The following IGSF10 variants were observed in gnomAD, a reference collection of about 807,000 sequenced individuals.
The protein encoded by IGSF10 is immunoglobulin superfamily member 10.
In IGSF10, 126 loss-of-function variants were observed where a neutral mutation model predicts 128.2. The ratio of observed to expected loss-of-function variants is 0.98; its 90% CI spans 0.85 to 1.14. The LOEUF is 1.14. Ranked by LOEUF, IGSF10 falls within the 50% of genes most tolerant of loss-of-function variation. IGSF10 has a pLI of 0.00. For synonymous variants in IGSF10, 1,185 were observed against 1,146.2 expected (o/e 1.03, Z -0.68); for missense variants, 3,295 against 3,149.8 (o/e 1.05, Z -1.10).
chr3:151,446,282 C>T lies in IGSF10; in HGVS notation c.3699G>A (p.Val1233=), dbSNP rs557184605. 14 of 1,613,946 alleles carry T rather than the reference C, an allele frequency of 8.7e-6. No individual in the cohort carries two copies. The highest frequency in any genetic ancestry group is 1.2e-5 in the Non-Finnish European group (14 of 1,179,908). The change falls in exon 6 of 8, where the codon GTG becomes GTA. Residue 1233 remains valine, a synonymous_variant. Transcript: ENST00000282466. ...AAGCAGGAGATGTTTTAGGAAGCAT[C>T]ACAGCTGTGCTTTTTTGTAAACTAA... is the stretch of plus-strand genomic sequence containing the variant. ...HKVSLQKSTA[V]MLPKTSPALP... is the part of the protein sequence containing the mutation.
chr3:151,582,296 G>GGT, the IGSF10 span, among the ~76,000 whole-genome samples: 114 of 112,502 alleles, frequency 1.0e-3, 9 homozygotes, highest in Non-Finnish European at 1.7e-3. Context: ...AATATCCGGG[G>GGT]GGGGGGGCGG....
chr3:151,613,989 C>G, the IGSF10 span, among the ~76,000 whole-genome samples: 2 of 151,886 alleles, frequency 1.3e-5, no homozygotes, highest in Non-Finnish European at 2.9e-5. Context: ...GAAAAAACAA[C>G]CCCATCAAAA....
intron 4 of IGSF10, among the ~76,000 whole-genome samples, chr3:151,455,748 G>A (rs1721763577): frequency 6.6e-6 from 1 of 151,986 alleles, no homozygotes; most frequent in African/African-American, 2.4e-5. Context: ...ATACTTTTTG[G>A]TTATGAGTAA....
chr3:151,511,519 T>C, the IGSF10 span, among the ~76,000 whole-genome samples: 1 of 152,076 alleles, frequency 6.6e-6, no homozygotes, highest in South Asian at 2.1e-4. Context: ...ACATGCCAAA[T>C]TGTAAAGACC....
At chr3:151,609,299 G>A in the IGSF10 span, among the ~76,000 whole-genome samples, 1 of 152,164 alleles carries the variant, frequency 6.6e-6, no homozygotes, top group African/African-American at 2.4e-5. Context: ...AAAGAGGCAG[G>A]CAGAAAGTAG....
In IGSF10 at chr3:151,442,524, C is replaced by T. The variant is rs1232675734; in HGVS notation, c.5963+460G>A. On this transcript the variant is annotated intron_variant, in intron 7 of 7. Coordinates refer to ENST00000282466, the MANE Select transcript of IGSF10 (RefSeq NM_178822.5). Reference sequence around the variant, plus strand: ...CCTCCCAAGCAGCTGGGATTACAGGCGCCCGGCCACCATGCCCGGCTAATT... The same window carrying T: ...CCTCCCAAGCAGCTGGGATTACAGGTGCCCGGCCACCATGCCCGGCTAATT... 2.0e-5 allele frequency among the ~76,000 whole-genome samples: 3 copies of T among 149,994 alleles called. No individual in the cohort carries two copies. The Admixed American group carries it at 2.0e-4, about 10-fold the overall frequency.
chr3:151,522,769 A>G, the IGSF10 span, among the ~76,000 whole-genome samples: 8 of 152,148 alleles, frequency 5.3e-5, no homozygotes, highest in Non-Finnish European at 1.0e-4. Context: ...CCCCTTGAAA[A>G]CTGGCACAAG....
chr3:151,470,272 C>T, the IGSF10 span, among the ~76,000 whole-genome samples: 2 of 152,152 alleles, frequency 1.3e-5, no homozygotes, highest in African/African-American at 4.8e-5. Flanking sequence ...CACAAGGCTT[C>T]AGTGGAAAAA....
At chr3:151,433,135 G>A (rs1435442105), downstream of IGSF10, 4 of 214,020 alleles carry the variant, frequency 1.9e-5, no homozygotes, top group Non-Finnish European at 3.7e-5. Flanking sequence ...GATTATGATG[G>A]ATCTAAGGTA....
At chr3:151,491,647 G>A in the IGSF10 span, among the ~76,000 whole-genome samples, 3 of 150,926 alleles carry the variant, frequency 2.0e-5, no homozygotes, top group Non-Finnish European at 4.4e-5. Context: ...GCAAGAGATT[G>A]AGTAAGTAAT....
the IGSF10 span, among the ~76,000 whole-genome samples, chr3:151,522,209 T>A: frequency 6.6e-6 from 1 of 151,982 alleles, no homozygotes; most frequent in Non-Finnish European, 1.5e-5. Flanking sequence ...ATAAATAGCT[T>A]GCCAACCAAA....
At chr3:151,501,675 T>G in the IGSF10 span, among the ~76,000 whole-genome samples, 581 of 152,208 alleles carry the variant, frequency 3.8e-3, 2 homozygotes, top group African/African-American at 0.013. Flanking sequence ...TTAGAGATTT[T>G]GCACAAACCA....
chr3:151,461,360 G>C (rs574331494), upstream of IGSF10: 4 of 985,364 alleles, frequency 4.1e-6, no homozygotes, highest in East Asian at 2.3e-4. Flanking sequence ...ATCGCCGCAG[G>C]CTGTCCTTGG....
the IGSF10 span, among the ~76,000 whole-genome samples, chr3:151,521,470 C>A: frequency 6.6e-6 from 1 of 151,934 alleles, no homozygotes; most frequent in South Asian, 2.1e-4. Context: ...ATAAAACAAT[C>A]CTCAGCAAAT....
chr3:151,504,780 T>C, the IGSF10 span, among the ~76,000 whole-genome samples: 1 of 152,348 alleles, frequency 6.6e-6, no homozygotes, highest in East Asian at 1.9e-4. Flanking sequence ...CGTGGCCAAC[T>C]GTTCGTGTTC....
At position 151,453,757 on chromosome 3, in the gene IGSF10, A is replaced by G. The variant is rs781432002; in HGVS notation, c.342T>C (p.Tyr114=). The stretch of plus-strand genomic sequence containing the variant: ...CTTTCTGAAGTTTTCGGACTTTATT[A>G]TAGCTCATTTTTAAGACCTATGAAT... ...LQALQVLKMS[Y]NKVRKLQKDT... Residue 114 remains tyrosine, a synonymous_variant, in exon 5 of 8, where the codon TAT becomes TAC. Coordinates refer to ENST00000282466, the MANE Select transcript of IGSF10 (RefSeq NM_178822.5). The G allele has an allele frequency of 6.5e-6, 10 of 1,546,306 alleles. No individual in the cohort carries two copies. Among genetic ancestry groups the G allele is most frequent in the African/African-American group, 1.4e-5 (1 of 72,182 alleles).
upstream of IGSF10, chr3:151,461,330 TGGTTTAAG>T (rs1351264946): frequency 1.3e-5 from 13 of 985,258 alleles, no homozygotes; most frequent in Non-Finnish European, 1.4e-5. Context: ...GTGGGCCTTT[TGGTTTAAG>T]GGTTTACGTA....
the IGSF10 span, among the ~76,000 whole-genome samples, chr3:151,468,220 T>G: frequency 6.6e-6 from 1 of 152,192 alleles, no homozygotes; most frequent in African/African-American, 2.4e-5. Flanking sequence ...ATTGGTGGCT[T>G]TAGCTGAACA....
Position 151,443,554 on chromosome 3 carries a change from A to G in IGSF10, c.5393T>C (p.Val1798Ala), listed in dbSNP as rs781682952. The G allele has an allele frequency of 1.2e-6, 2 of 1,614,260 alleles. No individual in the cohort carries two copies. Among genetic ancestry groups the G allele is most frequent in the Non-Finnish European group, 1.7e-6 (2 of 1,180,042 alleles). ...SESSQGSRQA[V>A]VTVDGTLVLH... ...GACCAATGTTCCGTCAACCGTCACC[A>G]CAGCCTGCCTACTTCCCTGGGATGA... The change falls in exon 7 of 8, where the codon GTG (valine) becomes GCG (alanine). Residue 1798 changes from valine to alanine, a missense_variant. By Grantham distance (64) the Val-to-Ala change is moderately conservative (BLOSUM62 0). Coordinates refer to ENST00000282466, the MANE Select transcript of IGSF10 (RefSeq NM_178822.5).
Sources: gnomAD v4.1 joint callset for allele counts (sites outside exome capture counted in the v4.1 genomes callset) on GRCh38, gnomAD v4.1.1 for gene constraint, MANE v1.5 for transcripts, NCBI Gene and HGNC (gene_info 2026-07-23, HGNC 2026-07-21) for gene names.